The following SYT9 variants were observed in gnomAD, a reference collection of about 807,000 sequenced individuals.
SYT9 encodes the protein synaptotagmin-9.
SYT9 carries 22 observed loss-of-function variants against 48.4 expected under a neutral mutation model. The observed-to-expected ratio is 0.45, with a 90% CI of 0.32 to 0.65. The LOEUF is 0.65. Ranked by LOEUF, SYT9 falls within the 30% of genes least tolerant of loss-of-function variation. The pLI is 0.03. For missense variants in SYT9, 577 were observed against 622.0 expected (o/e 0.93, Z 0.77); for synonymous variants, 265 against 245.0 (o/e 1.08, Z -0.76).
At chr11:7,465,499 C>T (rs1198585845) in intron 6 of SYT9, among the ~76,000 whole-genome samples, 1 of 152,222 alleles carries the variant, frequency 6.6e-6, no homozygotes, top group East Asian at 1.9e-4. Flanking sequence ...AGTATTACTA[C>T]ATTTAATCTG....
intron 1 of SYT9, among the ~76,000 whole-genome samples, chr11:7,283,859 C>A (rs1589912817): frequency 1.3e-5 from 2 of 152,208 alleles, no homozygotes; most frequent in South Asian, 4.2e-4. Context: ...ATTGCTATTA[C>A]AATATTGTAA....
At chr11:7,464,893 T>C (rs1366514463) in intron 6 of SYT9, among the ~76,000 whole-genome samples, 2 of 151,604 alleles carry the variant, frequency 1.3e-5, no homozygotes, top group South Asian at 2.1e-4. Context: ...CCATCATGGC[T>C]AACACAGTGA....
intron 3 of SYT9, among the ~76,000 whole-genome samples, chr11:7,343,232 T>C (rs1849744132): frequency 6.6e-6 from 1 of 152,238 alleles, no homozygotes; most frequent in African/African-American, 2.4e-5. Context: ...CTTGAATTTC[T>C]CCTTAGAAAA....
At chr11:7,396,200 A>C (rs1846748540) in intron 3 of SYT9, among the ~76,000 whole-genome samples, 1 of 152,102 alleles carries the variant, frequency 6.6e-6, no homozygotes, top group Admixed American at 6.5e-5. Context: ...TCTATCTTCA[A>C]AGATTATGCC....
At chr11:7,416,015 A>G (rs756308342) in intron 3 of SYT9, 27 bp from the exon 4 acceptor site, 1 of 1,613,874 alleles carries the variant, frequency 6.2e-7, no homozygotes, top group African/African-American at 1.3e-5. Flanking sequence ...ACACTTTCTA[A>G]TACTTTAGTT....
intron 3 of SYT9, among the ~76,000 whole-genome samples, chr11:7,315,639 C>T (rs1030521659): frequency 1.3e-5 from 2 of 152,166 alleles, no homozygotes; most frequent in South Asian, 4.1e-4. Context: ...GTGAGAGCAA[C>T]GTTGACTGCG....
upstream of SYT9, among the ~76,000 whole-genome samples, chr11:7,247,808 C>T (rs529913811): frequency 2.6e-5 from 4 of 151,688 alleles, no homozygotes; most frequent in African/African-American, 4.8e-5. Context: ...GTATCTTTTT[C>T]GTATAATGAC....
chr11:7,243,531 T>C (rs920181689), intron 1 of SYT9, among the ~76,000 whole-genome samples: 1 of 152,190 alleles, frequency 6.6e-6, no homozygotes, highest in Non-Finnish European at 1.5e-5. Context: ...ACAGAGATTT[T>C]TGTCAAAGCT....
chr11:7,328,562 T>A (rs1849476216), intron 3 of SYT9, among the ~76,000 whole-genome samples: 1 of 152,138 alleles, frequency 6.6e-6, no homozygotes, highest in Non-Finnish European at 1.5e-5. Context: ...CCATTCCAGA[T>A]GACATAACTA....
At chr11:7,420,823 G>C (rs540340157) in intron 6 of SYT9, among the ~76,000 whole-genome samples, 188 bp downstream of exon 6, 1 of 152,304 alleles carries the variant, frequency 6.6e-6, no homozygotes, top group African/African-American at 2.4e-5. Flanking sequence ...CACCAGTCTG[G>C]TAGGTTTTGA....
At chr11:7,255,286 C>A (rs1847947122) in intron 1 of SYT9, among the ~76,000 whole-genome samples, 1 of 151,532 alleles carries the variant, frequency 6.6e-6, no homozygotes, top group African/African-American at 2.4e-5. Flanking sequence ...ATGGTGACTT[C>A]AGAGGTGGCT....
At chr11:7,375,106 G>A (rs1002214501) in intron 3 of SYT9, among the ~76,000 whole-genome samples, 11 of 152,162 alleles carry the variant, frequency 7.2e-5, no homozygotes, top group African/African-American at 2.7e-4. Flanking sequence ...TAAGGTGTAA[G>A]GAAGGGGTCC....
intron 3 of SYT9, among the ~76,000 whole-genome samples, chr11:7,368,235 T>C (rs1302744242): frequency 1.3e-5 from 2 of 152,232 alleles, no homozygotes; most frequent in African/African-American, 2.4e-5. Context: ...CTACCAATAT[T>C]AGTGTATTAC....
chr11:7,311,389 T>C (rs1357637428), intron 2 of SYT9, among the ~76,000 whole-genome samples: 5 of 152,378 alleles, frequency 3.3e-5, no homozygotes, highest in African/African-American at 1.2e-4. Flanking sequence ...AATGTTGCTG[T>C]GATGAATCGA....
At chr11:7,454,305 G>A in intron 6 of SYT9, 1 of 985,244 alleles carries the variant, frequency 1.0e-6, no homozygotes, top group Non-Finnish European at 1.2e-6. Context: ...TGCATCTCAT[G>A]ATTCCAGATG....
intron 1 of SYT9, among the ~76,000 whole-genome samples, chr11:7,284,057 C>T (rs1848553576): frequency 6.6e-6 from 1 of 152,156 alleles, no homozygotes; most frequent in South Asian, 2.1e-4. Flanking sequence ...TGGCTATTAA[C>T]TTTCCTTTAT....
At chr11:7,380,765 G>T (rs1031573583) in intron 3 of SYT9, among the ~76,000 whole-genome samples, 1 of 152,108 alleles carries the variant, frequency 6.6e-6, no homozygotes, top group Non-Finnish European at 1.5e-5. Flanking sequence ...TGAGTTTCTG[G>T]TAGCCATATC....
At chr11:7,264,104 A>C (rs1042746564) in intron 1 of SYT9, among the ~76,000 whole-genome samples, 15 of 152,078 alleles carry the variant, frequency 9.9e-5, no homozygotes, top group Admixed American at 9.2e-4. Flanking sequence ...TGGTTTGGGA[A>C]TCTTGCAGAA....
At chr11:7,335,116 T>G (rs1346833568) in intron 3 of SYT9, among the ~76,000 whole-genome samples, 1 of 152,214 alleles carries the variant, frequency 6.6e-6, no homozygotes, top group Admixed American at 6.5e-5. Context: ...AAGTTCTAGT[T>G]GCTCTACATT....
Sources: allele counts gnomAD v4.1 joint callset (sites outside exome capture counted in the v4.1 genomes callset), GRCh38; gene constraint gnomAD v4.1.1; transcripts MANE v1.5; gene names NCBI Gene and HGNC (gene_info 2026-07-23, HGNC 2026-07-21).